ACVR1C: variants seen among roughly 807,000 people sequenced by gnomAD.
ACVR1C encodes the protein activin receptor type-1C.
Under a neutral mutation model 57.9 loss-of-function variants are expected in ACVR1C, and 23 were observed. The observed-to-expected ratio is 0.40, with a 90% CI of 0.29 to 0.56. ACVR1C has a LOEUF of 0.56. Among genes scored for constraint, ACVR1C ranks in the 20% least tolerant of loss-of-function variants. The pLI, the probability that ACVR1C is intolerant of heterozygous loss-of-function variation, is 0.50. For missense variants in ACVR1C, 480 were observed against 607.9 expected (o/e 0.79, Z 2.21); for synonymous variants, 214 against 215.3 (o/e 0.99, Z 0.05).
At position 157,601,848 on chromosome 2, in the gene ACVR1C, T is replaced by C. The variant is rs989484587; in HGVS notation, c.74-14431A>G. Among the ~76,000 whole-genome samples the C allele has an allele frequency of 2.0e-5, 3 of 152,068 alleles. No individual in the cohort carries two copies. The South Asian group carries it at 6.2e-4, about 31-fold the overall frequency. On this transcript the variant is annotated intron_variant, in intron 1 of 8. Coordinates refer to ENST00000243349, the MANE Select transcript of ACVR1C (RefSeq NM_145259.3). ...AATAATTCCTATCTCACAGGATTAG[T>C]ATGAAAATTTTAAAAAGAGATATTC...
At position 157,576,835 on chromosome 2, in the gene ACVR1C, CTTTTTTTTTTTTTTTTTTT is replaced by C. The variant is rs1166673398; in HGVS notation, c.304+10333_304+10351del. On this transcript the variant is annotated intron_variant, in intron 2 of 8. Coordinates refer to ENST00000243349, the MANE Select transcript of ACVR1C (RefSeq NM_145259.3). ...AGAGCCTTTTGGGCTTTGAAATTTT[CTTTTTTTTTTTTTTTTTTT>C]TTTTTTTTTTTGAGACGGAGTCTCG... Among the ~76,000 whole-genome samples, 7 of 41,722 alleles carry C rather than the reference CTTTTTTTTTTTTTTTTTTT, an allele frequency of 1.7e-4. 2 individuals are homozygous for C. The highest frequency in any genetic ancestry group is 3.1e-4 in the Non-Finnish European group (7 of 22,352). The allele number at this position is 41,722 out of a possible 152,430, so 27.4% of individuals were successfully genotyped here.
In ACVR1C at chr2:157,613,865, G is replaced by A. The variant is rs150041309; in HGVS notation, c.73+14707C>T. Among the ~76,000 whole-genome samples, 911 of 152,152 alleles carry A rather than the reference G, an allele frequency of 6.0e-3. 11 individuals are homozygous for A. Among genetic ancestry groups the A allele is most frequent in the African/African-American group, 0.02 (841 of 41,524 alleles). On this transcript the variant is annotated intron_variant, in intron 1 of 8. Coordinates refer to ENST00000243349, the MANE Select transcript of ACVR1C (RefSeq NM_145259.3). ...CTAGTTTAGGTTTCACTGTAATACT[G>A]GTTTCATAAAATGAGCTGAAAGATG...
chr2:157,613,460 C>T (rs573839742), intron 1 of ACVR1C, among the ~76,000 whole-genome samples: 4 of 148,026 alleles, frequency 2.7e-5, no homozygotes, highest in Non-Finnish European at 4.5e-5. Context: ...GTTTTTTTTC[C>T]AAATATTTTC....
At chr2:157,588,869 ATATATATATACGTGTGTGTG>A in intron 1 of ACVR1C, among the ~76,000 whole-genome samples, 1 of 141,792 alleles carries the variant, frequency 7.1e-6, no homozygotes, top group South Asian at 2.2e-4. Flanking sequence ...ATATATATAT[ATATATATATACGTGTGTGTG>A]TATATATATA....
chr2:157,555,491 C>A (rs1573916811), intron 3 of ACVR1C, among the ~76,000 whole-genome samples: 2 of 152,176 alleles, frequency 1.3e-5, no homozygotes, highest in East Asian at 3.8e-4. Context: ...GTAACCACAG[C>A]CAGCAAAAGC....
chr2:157,609,722 CT>C (rs1230710555), intron 1 of ACVR1C, among the ~76,000 whole-genome samples: 2 of 151,898 alleles, frequency 1.3e-5, no homozygotes, highest in African/African-American at 4.8e-5. Flanking sequence ...TCTTTGTCTT[CT>C]TTTTTACTGT....
At position 157,550,324 on chromosome 2, in the gene ACVR1C, T is replaced by C; in HGVS notation, c.613A>G (p.Arg205Gly). ...CTTCCATGCCACACCTCACCAAATC[T>C]ACCTTTTCCTACTATTTCCTGAAGC... ...IVLQEIVGKG[R>G]FGEVWHGRWC... is the part of the protein sequence containing the mutation. The change falls in exon 4 of 9, where the codon AGA (arginine) becomes GGA (glycine). Residue 205 changes from arginine (R) to glycine (G), a missense_variant. By Grantham distance (125) the Arg-to-Gly change is moderately radical. Coordinates refer to ENST00000243349, the MANE Select transcript of ACVR1C (RefSeq NM_145259.3). 6.2e-7 allele frequency: 1 copy of C among 1,614,178 alleles called. No individual in the cohort carries two copies. Among genetic ancestry groups the C allele is most frequent in the Non-Finnish European group, 8.5e-7 (1 of 1,180,026 alleles).
chr2:157,627,055 C>CA (rs1682911662), intron 1 of ACVR1C, among the ~76,000 whole-genome samples: 1 of 152,102 alleles, frequency 6.6e-6, no homozygotes, highest in African/African-American at 2.4e-5. Flanking sequence ...GGGTATACAA[C>CA]AAAATATACC....
Position 157,538,584 on chromosome 2 carries a change from G to C in ACVR1C, c.1345C>G (p.Gln449Glu). 1 of 1,560,364 alleles carries C rather than the reference G, an allele frequency of 6.4e-7. No homozygotes were observed. The highest frequency in any genetic ancestry group is 8.6e-7 in the Non-Finnish European group (1 of 1,156,938). Residue 449 changes from glutamine to glutamate, a missense_variant, in exon 8 of 9, where the codon CAA becomes GAA. Coordinates refer to ENST00000243349, the MANE Select transcript of ACVR1C (RefSeq NM_145259.3). ...AAACATGGCCTTACTTCACAACTTT[G>C]CCACTGGTTTGGGATACTTGGTCGA... ...KFRPSIPNQWQSCEALRVMGR... is the reference protein window; with the variant it reads ...KFRPSIPNQWESCEALRVMGR...
In ACVR1C at chr2:157,526,781, CTTTA is replaced by C. The variant is rs2105190922; in HGVS notation, c.*7133_*7136del. The C allele has an allele frequency of 6.6e-6, 1 of 152,236 alleles. No individual in the cohort carries two copies. Among genetic ancestry groups the C allele is most frequent in the Admixed American group, 6.5e-5 (1 of 15,290 alleles). The allele number at this position is 152,236 out of a possible 1,614,324, so 9.4% of individuals were successfully genotyped here. Reference sequence around the variant, plus strand: ...AAAAACCAAAATACGACACATCTTCCTTTATTTAAAATAGAGTTCTATATGCTTC... The same window carrying C: ...AAAAACCAAAATACGACACATCTTCCTTTAAAATAGAGTTCTATATGCTTC... On this transcript the variant is annotated 3_prime_UTR_variant, in exon 9 of 9. Coordinates refer to ENST00000243349, the MANE Select transcript of ACVR1C (RefSeq NM_145259.3).
At chr2:157,628,490 T>C in intron 1 of ACVR1C, 82 bp downstream of exon 1, 2 of 1,455,216 alleles carry the variant, frequency 1.4e-6, no homozygotes, top group South Asian at 1.2e-5. Context: ...GAGCACCCCC[T>C]GTCCCCCACC....
At chr2:157,607,236 CAGTT>C (rs1682421822) in intron 1 of ACVR1C, among the ~76,000 whole-genome samples, 1 of 151,862 alleles carries the variant, frequency 6.6e-6, no homozygotes, top group Admixed American at 6.6e-5. Context: ...GTTTTGAAGT[CAGTT>C]AGGATGATGT....
At position 157,628,804 on chromosome 2, in the gene ACVR1C, C is replaced by A; in HGVS notation, c.-160G>T. ...GGCTCTAGTCAGTGTGGGCGCCCCCCTCCCCGGCCGCCCCCATCCCACGCC... is the reference window on the plus strand; with the variant it reads ...GGCTCTAGTCAGTGTGGGCGCCCCCATCCCCGGCCGCCCCCATCCCACGCC... On this transcript the variant is annotated 5_prime_UTR_variant, in exon 1 of 9. It adds an upstream start codon to the 5' untranslated region. Coordinates refer to ENST00000243349, the MANE Select transcript of ACVR1C (RefSeq NM_145259.3). 1 of 474,386 alleles carries A rather than the reference C, an allele frequency of 2.1e-6. No individual in the cohort carries two copies. The highest frequency in any genetic ancestry group is 3.5e-6 in the Non-Finnish European group (1 of 287,582). The allele number at this position is 474,386 out of a possible 1,614,324, so 29.4% of individuals were successfully genotyped here.
At position 157,532,573 on chromosome 2, in the gene ACVR1C, C is replaced by A. The variant is rs1055111752; in HGVS notation, c.*1345G>T. 6.6e-6 allele frequency: 1 copy of A among 151,860 alleles called. No homozygotes were observed. Among genetic ancestry groups the A allele is most frequent in the Admixed American group, 6.6e-5 (1 of 15,242 alleles). 9.4% of individuals were successfully genotyped at this position (151,860 alleles called of 1,614,324 possible). ...GCATAAAAGACATCATGTTAAATCT[C>A]GTTTACCAAAGTAAAATTATAGATT... is the stretch of plus-strand genomic sequence containing the variant. On this transcript the variant is annotated 3_prime_UTR_variant, in exon 9 of 9. Coordinates refer to ENST00000243349, the MANE Select transcript of ACVR1C (RefSeq NM_145259.3).
chr2:157,562,579 C>T (rs1688268231), intron 2 of ACVR1C, among the ~76,000 whole-genome samples: 1 of 151,760 alleles, frequency 6.6e-6, no homozygotes, highest in African/African-American at 2.4e-5. Context: ...TGAAACTATT[C>T]CAAACAATTG....
chr2:157,544,634 G>A (rs1388986347), intron 4 of ACVR1C, 22 bp from the exon 5 acceptor site: 3 of 1,589,548 alleles, frequency 1.9e-6, no homozygotes, highest in Non-Finnish European at 2.6e-6. Flanking sequence ...ATGTAATTTT[G>A]TTGTTGTAAA....
chr2:157,625,849 G>A (rs1247157341), intron 1 of ACVR1C, among the ~76,000 whole-genome samples: 1 of 152,122 alleles, frequency 6.6e-6, no homozygotes, highest in African/African-American at 2.4e-5. Context: ...GACATTTTCT[G>A]CCACTTCTTT....
At position 157,547,977 on chromosome 2, in the gene ACVR1C, T is replaced by C. The variant is rs537894024; in HGVS notation, c.775+2185A>G. On this transcript the variant is annotated intron_variant, in intron 4 of 8. Transcript: ENST00000243349. ...GTCTAACATTTAAGTCTTTAATCCA[T>C]CTTGAATTGATTTTTGTATAAGGTG... Among the ~76,000 whole-genome samples, 151 of 152,256 alleles carry C rather than the reference T, an allele frequency of 9.9e-4. 1 individual carries two copies. Among genetic ancestry groups the C allele is most frequent in the Middle Eastern group, 6.8e-3 (2 of 294 alleles).
chr2:157,602,877 A>G (rs1469229021), intron 1 of ACVR1C, among the ~76,000 whole-genome samples: 1 of 152,194 alleles, frequency 6.6e-6, no homozygotes, highest in Non-Finnish European at 1.5e-5. Context: ...CCTATAAAGA[A>G]TATATTAATA....
Sources: allele counts gnomAD v4.1 joint callset (sites outside exome capture counted in the v4.1 genomes callset), GRCh38; gene constraint gnomAD v4.1.1; transcripts MANE v1.5; gene names NCBI Gene and HGNC (gene_info 2026-07-23, HGNC 2026-07-21).